Variants in SLC33A1 observed in about 807,000 individuals in gnomAD.
The protein encoded by SLC33A1 is solute carrier family 33 member 1.
Under a neutral mutation model 50.0 loss-of-function variants are expected in SLC33A1, and 20 were observed. That is an observed-to-expected ratio of 0.40 (90% confidence interval 0.28 to 0.58). The LOEUF is 0.58. Among genes scored for constraint, SLC33A1 ranks in the 20% least tolerant of loss-of-function variants. SLC33A1 has a pLI of 0.44. For synonymous variants in SLC33A1, 265 were observed against 251.8 expected, an observed-to-expected ratio of 1.05 and a Z score of -0.50; for missense variants, 476 against 657.0, an observed-to-expected ratio of 0.72 and a Z score of 3.01.
chr3:155,821,598 A>G lies in SLC33A1; in HGVS notation c.*6612T>C. ...TCTCCTGCCTCAGCCTCCCGAGTAGATGGGATTACAGACCTGGGCCACCAC... is the reference window on the plus strand; with the variant it reads ...TCTCCTGCCTCAGCCTCCCGAGTAGGTGGGATTACAGACCTGGGCCACCAC... On this transcript the variant is annotated 3_prime_UTR_variant, in exon 6 of 6. Transcript: ENST00000643144. 7.0e-6 allele frequency: 1 copy of G among 143,024 alleles called. No homozygotes were observed. The highest frequency in any genetic ancestry group is 1.5e-5 in the Non-Finnish European group (1 of 65,252). The allele number at this position is 143,024 out of a possible 1,614,324, so 8.9% of individuals were successfully genotyped here. A position where few individuals can be genotyped will look rare whatever the true frequency, so the allele number is the denominator to read the frequency against.
At chr3:155,849,770 T>G (rs1249475350) in intron 1 of SLC33A1, among the ~76,000 whole-genome samples, 2 of 151,224 alleles carry the variant, frequency 1.3e-5, no homozygotes, top group Non-Finnish European at 2.9e-5. Flanking sequence ...TAGCCAGGCA[T>G]GGTGGCACAC....
At chr3:155,837,141 A>G (rs1752711605) in intron 2 of SLC33A1, among the ~76,000 whole-genome samples, 1 of 152,058 alleles carries the variant, frequency 6.6e-6, no homozygotes, top group Non-Finnish European at 1.5e-5. Context: ...TGGGTGGATC[A>G]CAAGGTCAGG....
At chr3:155,832,150 G>T (rs1752462864) in intron 4 of SLC33A1, among the ~76,000 whole-genome samples, 1 of 152,136 alleles carries the variant, frequency 6.6e-6, no homozygotes, top group Admixed American at 6.5e-5. Flanking sequence ...GGCTGAGGCG[G>T]GTGGATCACC....
intron 1 of SLC33A1, among the ~76,000 whole-genome samples, chr3:155,847,731 A>G (rs972606999): frequency 1.1e-4 from 16 of 151,570 alleles, no homozygotes; most frequent in Non-Finnish European, 2.2e-4. Context: ...CTGGGTGACA[A>G]GTGCAAAACT....
In SLC33A1 at chr3:155,828,172, C is replaced by T. The variant is rs1162538894; in HGVS notation, c.*38G>A. The T allele has an allele frequency of 6.8e-7, 1 of 1,472,572 alleles. No individual in the cohort carries two copies. The allele number at this position is 1,472,572 out of a possible 1,614,324, so 91.2% of individuals were successfully genotyped here. A position where few individuals can be genotyped will look rare whatever the true frequency, so the allele number is the denominator to read the frequency against. On this transcript the variant is annotated 3_prime_UTR_variant, in exon 6 of 6. Transcript: ENST00000643144. ...CATTGCTCTCCGAATTAAAACTAAA[C>T]TACAATTACCTTGCTAGAATGTCCA...
rs970135457 is a variant in SLC33A1, at chr3:155,822,628, G to A, written c.*5582C>T. The A allele has an allele frequency of 6.6e-6, 1 of 150,444 alleles. No individual in the cohort carries two copies. Among genetic ancestry groups the A allele is most frequent in the East Asian group, 1.9e-4 (1 of 5,148 alleles). 9.3% of individuals were successfully genotyped at this position (150,444 alleles called of 1,614,324 possible). ...AGATAACTCCCTAAGGATTGTACCT[G>A]TACCTTGTGCATTTCAGTCATGCCA... On this transcript the variant is annotated 3_prime_UTR_variant, in exon 6 of 6. Transcript: ENST00000643144.
At chr3:155,830,208 C>CAAAAAAAAA (rs1182731725) in intron 4 of SLC33A1, among the ~76,000 whole-genome samples, 1 of 105,386 alleles carries the variant, frequency 9.5e-6, no homozygotes, top group South Asian at 3.0e-4. Context: ...CTGAAAAATA[C>CAAAAAAAAA]AAAAAAAAAA....
In SLC33A1 at chr3:155,827,226, C is replaced by G. The variant is rs1752226629; in HGVS notation, c.*984G>C. The stretch of plus-strand genomic sequence containing the variant: ...AAAGGCACAAAATATCTTTGTCTCT[C>G]TCTTTAAAGTATTAGTTTTTTAAAT... On this transcript the variant is annotated 3_prime_UTR_variant, in exon 6 of 6. Coordinates refer to ENST00000643144, the MANE Select transcript of SLC33A1 (RefSeq NM_004733.4). 6.6e-6 allele frequency: 1 copy of G among 152,130 alleles called. No individual in the cohort carries two copies. Among genetic ancestry groups the G allele is most frequent in the South Asian group, 2.1e-4 (1 of 4,836 alleles). 9.4% of individuals were successfully genotyped at this position (152,130 alleles called of 1,614,324 possible).
chr3:155,846,800 G>C (rs1276018910), intron 1 of SLC33A1, among the ~76,000 whole-genome samples: 2 of 151,952 alleles, frequency 1.3e-5, no homozygotes, highest in Non-Finnish European at 2.9e-5. Context: ...TCTCACCTCT[G>C]TCTCCCCATA....
chr3:155,836,978 A>G (rs1752705839), intron 2 of SLC33A1, among the ~76,000 whole-genome samples: 1 of 152,230 alleles, frequency 6.6e-6, no homozygotes. Context: ...TCACATGAAA[A>G]GATGCTCAAT....
chr3:155,833,741 A>G, intron 3 of SLC33A1, 116 bp downstream of exon 3: 2 of 1,008,814 alleles, frequency 2.0e-6, no homozygotes, highest in Non-Finnish European at 3.1e-6. Flanking sequence ...TATTGAAAAA[A>G]GATGCTTTTC....
At chr3:155,834,523 G>A (rs1246326061) in intron 2 of SLC33A1, among the ~76,000 whole-genome samples, 1 of 152,026 alleles carries the variant, frequency 6.6e-6, no homozygotes, top group Non-Finnish European at 1.5e-5. Flanking sequence ...GTAATTCTGG[G>A]AAAACGTATC....
Position 155,833,275 on chromosome 3 carries a change from A to T in SLC33A1, c.1266+193T>A, listed in dbSNP as rs147432944. ...GGAAAAAAATAAATAAATAAATAAA[A>T]AAGTCTCTTTCTATGAACAGCAGAA... On this transcript the variant is annotated intron_variant, in intron 4 of 5. Coordinates refer to ENST00000643144, the MANE Select transcript of SLC33A1 (RefSeq NM_004733.4). Among the ~76,000 whole-genome samples the T allele has an allele frequency of 7.4e-3, 1,121 of 152,240 alleles. 19 individuals are homozygous for T. The highest frequency in any genetic ancestry group is 0.024 in the African/African-American group (1,015 of 41,534).
In SLC33A1 at chr3:155,825,028, G is replaced by C. The variant is rs1184853771; in HGVS notation, c.*3182C>G. 6.6e-6 allele frequency: 1 copy of C among 152,102 alleles called. No individual in the cohort carries two copies. Among genetic ancestry groups the C allele is most frequent in the Non-Finnish European group, 1.5e-5 (1 of 68,032 alleles). The allele number at this position is 152,102 out of a possible 1,614,324, so 9.4% of individuals were successfully genotyped here. ...AGGCTGGACGACTGCTTGAAGCTAT[G>C]AGATTGGGACTAGCCTGGAAAATAT... On this transcript the variant is annotated 3_prime_UTR_variant, in exon 6 of 6. Coordinates refer to ENST00000643144, the MANE Select transcript of SLC33A1 (RefSeq NM_004733.4).
At chr3:155,837,305 G>A (rs1273340204) in intron 2 of SLC33A1, among the ~76,000 whole-genome samples, 6 of 145,386 alleles carry the variant, frequency 4.1e-5, no homozygotes, top group East Asian at 4.0e-4. Flanking sequence ...GCAGTGAGCC[G>A]AGATCGCGCC....
At position 155,827,240 on chromosome 3, in the gene SLC33A1, A is replaced by C. The variant is rs953221603; in HGVS notation, c.*970T>G. The C allele has an allele frequency of 2.0e-5, 3 of 152,310 alleles. No homozygotes were observed. The highest frequency in any genetic ancestry group is 7.2e-5 in the African/African-American group (3 of 41,584). 9.4% of individuals were successfully genotyped at this position (152,310 alleles called of 1,614,324 possible). On this transcript the variant is annotated 3_prime_UTR_variant, in exon 6 of 6. Transcript: ENST00000643144. ...TCTTTGTCTCTCTCTTTAAAGTATT[A>C]GTTTTTTAAATTATGGTACTGCCCA...
Position 155,854,004 on chromosome 3 carries a change from G to A in SLC33A1, c.-7C>T. The A allele has an allele frequency of 6.5e-7, 1 of 1,540,266 alleles. No individual in the cohort carries two copies. The highest frequency in any genetic ancestry group is 2.3e-5 in the East Asian group (1 of 44,420). ...GGGAGATGGTGGGTGACATATCAGA[G>A]ACGATGCAGAGCCCCGTCTGTGGGG... On this transcript the variant is annotated 5_prime_UTR_variant, in exon 1 of 6. Coordinates refer to ENST00000643144, the MANE Select transcript of SLC33A1 (RefSeq NM_004733.4).
chr3:155,844,453 ATATATTTTTTTTTTT>A (rs1214466629), intron 1 of SLC33A1, among the ~76,000 whole-genome samples: 9 of 25,198 alleles, frequency 3.6e-4, no homozygotes, highest in African/African-American at 9.8e-4. Context: ...ATATATATAT[ATATATTTTTTTTTTT>A]TTTTTTTTTT....
chr3:155,828,575 GT>G (rs1394589535), intron 5 of SLC33A1, among the ~76,000 whole-genome samples, 198 bp from the exon 6 acceptor site: 2 of 151,984 alleles, frequency 1.3e-5, no homozygotes, highest in Non-Finnish European at 2.9e-5. Context: ...ACAATTTTCA[GT>G]TCTTGCTGTA....
Sources: allele counts gnomAD v4.1 joint callset (sites outside exome capture counted in the v4.1 genomes callset), GRCh38; gene constraint gnomAD v4.1.1; transcripts MANE v1.5; gene names NCBI Gene and HGNC (gene_info 2026-07-23, HGNC 2026-07-21).